Variants in PAPPA2 observed in about 807,000 individuals in gnomAD.
PAPPA2 encodes pappalysin 2, also known as pappalysin-2.
In PAPPA2, 86 loss-of-function variants were observed where a neutral mutation model predicts 176.4. The ratio of observed to expected loss-of-function variants is 0.49; its 90% CI spans 0.41 to 0.58. The LOEUF (loss-of-function observed/expected upper bound fraction) is 0.58, where lower values mean the gene tolerates loss of function less well. Among genes scored for constraint, PAPPA2 ranks in the 20% least tolerant of loss-of-function variants. The probability of loss-of-function intolerance (pLI) is 0.00; values close to 1 mark genes in which losing one functional copy is unlikely to be tolerated. For synonymous variants in PAPPA2, 809 were observed against 852.2 expected (o/e 0.95, Z 0.88); for missense variants, 2,073 against 2,256.9 (o/e 0.92, Z 1.65).
At chr1:176,777,685 A>T (rs1028198016) in intron 17 of PAPPA2, among the ~76,000 whole-genome samples, 4 of 152,142 alleles carry the variant, frequency 2.6e-5, no homozygotes, top group Admixed American at 1.3e-4. Flanking sequence ...GAACATCATT[A>T]TTCTAATTTA....
intron 14 of PAPPA2, among the ~76,000 whole-genome samples, chr1:176,742,267 C>T (rs1418538904): frequency 6.6e-6 from 1 of 151,876 alleles, no homozygotes; most frequent in Non-Finnish European, 1.5e-5. Flanking sequence ...CAGTTGCCGA[C>T]TTTATCTCTA....
chr1:176,770,191 A>G (rs1664160982), intron 16 of PAPPA2, among the ~76,000 whole-genome samples: 4 of 152,186 alleles, frequency 2.6e-5, no homozygotes, highest in Admixed American at 2.6e-4. Context: ...AGAGATGAAG[A>G]TGGAGTGGAG....
rs11277807 is a variant in PAPPA2 at position 176,634,799 on chromosome 1, GAGATAGATAGATAGATAGAT to G, written c.1992-36141_1992-36122del. Among the ~76,000 whole-genome samples, 30 of 120,242 alleles carry G rather than the reference GAGATAGATAGATAGATAGAT, an allele frequency of 2.5e-4. 1 individual carries two copies. In the South Asian group the frequency reaches 7.7e-3, roughly 31 times the overall value. The allele number at this position is 120,242 out of a possible 152,430, so 78.9% of individuals were successfully genotyped here. On this transcript the variant is annotated intron_variant, in intron 3 of 22. Coordinates refer to ENST00000367662, the MANE Select transcript of PAPPA2 (RefSeq NM_020318.3). ...GGTGTAGTTAAAATTTCCAAGGAGA[GAGATAGATAGATAGATAGAT>G]AGATAGATAGATAGATAGATAGATA...
At chr1:176,558,354 A>G (rs922997091) in intron 2 of PAPPA2, among the ~76,000 whole-genome samples, 1 of 152,212 alleles carries the variant, frequency 6.6e-6, no homozygotes, top group African/African-American at 2.4e-5. Context: ...TTCCGAATTA[A>G]GAAAATATTC....
chr1:176,477,942 A>G (rs528675647), intron 1 of PAPPA2, among the ~76,000 whole-genome samples: 1 of 152,284 alleles, frequency 6.6e-6, no homozygotes, highest in African/African-American at 2.4e-5. Context: ...AGAGAAGTTA[A>G]ACTATTTCCA....
At chr1:176,726,535 G>A (rs892155971) in intron 12 of PAPPA2, among the ~76,000 whole-genome samples, 5 of 152,212 alleles carry the variant, frequency 3.3e-5, no homozygotes, top group African/African-American at 9.7e-5. Context: ...ACACAGAATA[G>A]AGGTAAATAA....
chr1:176,680,503 A>C (rs922108280), intron 4 of PAPPA2, among the ~76,000 whole-genome samples: 1 of 152,232 alleles, frequency 6.6e-6, no homozygotes, highest in Non-Finnish European at 1.5e-5. Context: ...TTATACATTC[A>C]CATGTAATTG....
intron 22 of PAPPA2, among the ~76,000 whole-genome samples, chr1:176,840,708 C>T (rs774187674): frequency 6.6e-6 from 1 of 152,118 alleles, no homozygotes; most frequent in Non-Finnish European, 1.5e-5. Flanking sequence ...CTGCCACCAG[C>T]CACCTGAGCA....
chr1:176,496,242 T>A (rs1647613142), intron 1 of PAPPA2, among the ~76,000 whole-genome samples: 1 of 152,218 alleles, frequency 6.6e-6, no homozygotes, highest in Non-Finnish European at 1.5e-5. Flanking sequence ...ACAACTGTTT[T>A]TAATATGGGT....
intron 2 of PAPPA2, among the ~76,000 whole-genome samples, chr1:176,581,500 A>G (rs1010700250): frequency 5.3e-5 from 8 of 152,150 alleles, no homozygotes; most frequent in African/African-American, 1.9e-4. Flanking sequence ...TTTATGAAGA[A>G]TGTCATTGGT....
At chr1:176,551,392 C>T (rs765850029) in intron 1 of PAPPA2, among the ~76,000 whole-genome samples, 18 of 152,336 alleles carry the variant, frequency 1.2e-4, no homozygotes, top group Admixed American at 7.8e-4. Flanking sequence ...TTTATTACTA[C>T]GCTCCCTGGC....
chr1:176,564,724 T>TTC (rs974444700), intron 2 of PAPPA2, among the ~76,000 whole-genome samples: 5 of 146,862 alleles, frequency 3.4e-5, no homozygotes, highest in African/African-American at 9.9e-5. Context: ...TTCCTTTTCT[T>TTC]TTTTTTTTTT....
rs113886691 is a variant in PAPPA2, at chr1:176,509,872, C to CAA, written c.-916-45528_-916-45527dup. 1.1e-4 allele frequency among the ~76,000 whole-genome samples: 16 copies of CAA among 150,672 alleles called. No homozygotes were observed. In the South Asian group the frequency reaches 1.7e-3, roughly 16 times the overall value. On this transcript the variant is annotated intron_variant, in intron 1 of 22. Coordinates refer to ENST00000367662, the MANE Select transcript of PAPPA2 (RefSeq NM_020318.3). Reference sequence around the variant, plus strand: ...AAAACAAACAAACAAAAAAAAACAACAAAAAAAACACATTAGCTGGGCATG... The same window carrying CAA: ...AAAACAAACAAACAAAAAAAAACAACAAAAAAAAAACACATTAGCTGGGCATG...
At chr1:176,723,530 C>A (rs2102852751) in intron 12 of PAPPA2, among the ~76,000 whole-genome samples, 1 of 151,342 alleles carries the variant, frequency 6.6e-6, no homozygotes, top group East Asian at 1.9e-4. Context: ...ACTCTTTATT[C>A]TTCCTTTCAG....
chr1:176,683,127 A>G (rs1369200923), intron 4 of PAPPA2, among the ~76,000 whole-genome samples: 2 of 151,942 alleles, frequency 1.3e-5, no homozygotes, highest in African/African-American at 2.4e-5. Flanking sequence ...TAAAGCCTGG[A>G]AAAGCCAGTA....
intron 2 of PAPPA2, among the ~76,000 whole-genome samples, chr1:176,571,250 A>ACCTT (rs1224538283): frequency 6.6e-6 from 1 of 151,806 alleles, no homozygotes; most frequent in Non-Finnish European, 1.5e-5. Context: ...CCATCCCCTC[A>ACCTT]CCTTAATTGT....
intron 14 of PAPPA2, among the ~76,000 whole-genome samples, chr1:176,753,529 T>C (rs2102890576): frequency 6.7e-6 from 1 of 150,308 alleles, no homozygotes; most frequent in Admixed American, 6.6e-5. Flanking sequence ...TCCCTTTTGA[T>C]AGCCTCAAGA....
At chr1:176,540,144 G>A (rs977641831) in intron 1 of PAPPA2, among the ~76,000 whole-genome samples, 6 of 152,132 alleles carry the variant, frequency 3.9e-5, no homozygotes, top group African/African-American at 1.4e-4. Context: ...AGATCTCTGG[G>A]AATACACAAA....
At chr1:176,668,149 C>A (rs563557940) in intron 3 of PAPPA2, among the ~76,000 whole-genome samples, 1 of 152,262 alleles carries the variant, frequency 6.6e-6, no homozygotes, top group Admixed American at 6.5e-5. Context: ...AGCAATGGGG[C>A]AGAACAGCTT....
Sources: gnomAD v4.1 joint callset for allele counts (sites outside exome capture counted in the v4.1 genomes callset) on GRCh38, gnomAD v4.1.1 for gene constraint, MANE v1.5 for transcripts, NCBI Gene and HGNC (gene_info 2026-07-23, HGNC 2026-07-21) for gene names.